SLC7A10: variants seen among roughly 807,000 people sequenced by gnomAD.
The protein encoded by SLC7A10 is solute carrier family 7 member 10.
In SLC7A10, 30 loss-of-function variants were observed where a neutral mutation model predicts 52.7. That is an observed-to-expected ratio of 0.57 (90% confidence interval 0.43 to 0.77). SLC7A10 has a LOEUF of 0.77. Ranked by LOEUF, SLC7A10 falls within the 30% of genes least tolerant of loss-of-function variation. SLC7A10 has a pLI of 0.00. For missense variants in SLC7A10, 581 were observed against 698.5 expected (o/e 0.83, Z 1.90); for synonymous variants, 318 against 314.9 (o/e 1.01, Z -0.10).
Position 33,212,397 on chromosome 19 carries a change from G to A in SLC7A10, c.683C>T (p.Thr228Met), listed in dbSNP as rs375602222. ...CAGGGCCAGGTGTCCCACGGAGGGC[G>A]TCATCCAGAAAGCAAAGGCATTGCT... ...RPSNAFAFWM[T>M]PSVGHLALAF... The change falls in exon 5 of 11, where the codon ACG becomes ATG. Residue 228 changes from threonine to methionine, a missense_variant. Physicochemically the swap from Thr to Met is moderately conservative, Grantham distance 81 (BLOSUM62 -1). Transcript: ENST00000253188. The A allele has an allele frequency of 3.8e-5, 61 of 1,613,782 alleles. No homozygotes were observed. The highest frequency in any genetic ancestry group is 2.4e-4 in the South Asian group (22 of 91,096).
intron 1 of SLC7A10, among the ~76,000 whole-genome samples, chr19:33,222,992 T>C (rs1044903990): frequency 7.2e-5 from 11 of 152,144 alleles, no homozygotes; most frequent in African/African-American, 2.7e-4. Flanking sequence ...TCAATAACAA[T>C]AACAAACCAA....
chr19:33,217,621 C>A (rs893933431), intron 1 of SLC7A10, among the ~76,000 whole-genome samples: 1 of 152,234 alleles, frequency 6.6e-6, no homozygotes, highest in African/African-American at 2.4e-5. Flanking sequence ...CACACCAGAC[C>A]GGGTCCTGAG....
chr19:33,209,833 A>T (rs1014502318), intron 9 of SLC7A10, among the ~76,000 whole-genome samples: 5 of 152,098 alleles, frequency 3.3e-5, no homozygotes, highest in Non-Finnish European at 7.4e-5. Context: ...TTATACACAC[A>T]TGGGGGGCTT....
At position 33,210,666 on chromosome 19, in the gene SLC7A10, G is replaced by A. The variant is rs374062061; in HGVS notation, c.1114-50C>T. On this transcript the variant is annotated intron_variant, in intron 8 of 10. Coordinates refer to ENST00000253188, the MANE Select transcript of SLC7A10 (RefSeq NM_019849.3). The surrounding 1 kb of genome is among the most constrained non-coding windows in gnomAD (Gnocchi z 5.6). ...GCTGGCCCCTAGCCTGCCTCCTGAC[G>A]CCCCTGCAGGATGAGCCCTGGCCCC... 67 of 1,609,506 alleles carry A rather than the reference G, an allele frequency of 4.2e-5. No individual in the cohort carries two copies. The highest frequency in any genetic ancestry group is 5.3e-5 in the Non-Finnish European group (63 of 1,179,616).
chr19:33,212,845 G>A lies in SLC7A10; in HGVS notation c.508+6C>T. ...CTGGGGACAGTGGGCCAAAGGGGAT[G>A]CTTACTCAGGCAGGCCATGGACAGC... On this transcript the variant is annotated splice_donor_region_variant and intron_variant, in intron 3 of 10. Transcript: ENST00000253188. 6.2e-7 allele frequency: 1 copy of A among 1,613,516 alleles called. No homozygotes were observed. Among genetic ancestry groups the A allele is most frequent in the Non-Finnish European group, 8.5e-7 (1 of 1,179,626 alleles).
Position 33,210,658 on chromosome 19 carries a change from C to T in SLC7A10, c.1114-42G>A. On this transcript the variant is annotated intron_variant, in intron 8 of 10. Coordinates refer to ENST00000253188, the MANE Select transcript of SLC7A10 (RefSeq NM_019849.3). The surrounding 1 kb of genome is among the most constrained non-coding windows in gnomAD (Gnocchi z 5.6). ...GGCTGACGGCTGGCCCCTAGCCTGC[C>T]TCCTGACGCCCCTGCAGGATGAGCC... 6.2e-7 allele frequency: 1 copy of T among 1,610,180 alleles called. No individual in the cohort carries two copies. The highest frequency in any genetic ancestry group is 8.5e-7 in the Non-Finnish European group (1 of 1,179,850).
rs765182186 is a variant in SLC7A10 at position 33,212,818 on chromosome 19, A to G, written c.508+33T>C. On this transcript the variant is annotated intron_variant, in intron 3 of 10. Coordinates refer to ENST00000253188, the MANE Select transcript of SLC7A10 (RefSeq NM_019849.3). ...AGGATGGAGCCCGGGCAGGTGGCTG[A>G]TCTGGGGACAGTGGGCCAAAGGGGA... The G allele has an allele frequency of 4.3e-6, 7 of 1,611,292 alleles. No individual in the cohort carries two copies. In the South Asian group the frequency reaches 7.7e-5, roughly 18 times the overall value.
At chr19:33,211,194 C>A in intron 7 of SLC7A10, 31 bp downstream of exon 7, 3 of 1,602,074 alleles carry the variant, frequency 1.9e-6, no homozygotes, top group Non-Finnish European at 2.6e-6. Context: ...AGCCTTCCCT[C>A]CCCATGCCCA....
Position 33,208,951 on chromosome 19 carries a change from C to A in SLC7A10, c.1512G>T (p.Glu504Asp), listed in dbSNP as rs377457235. 1 of 1,613,736 alleles carries A rather than the reference C, an allele frequency of 6.2e-7. No individual in the cohort carries two copies. The highest frequency in any genetic ancestry group is 8.5e-7 in the Non-Finnish European group (1 of 1,179,952). Residue 504 changes from glutamate (E) to aspartate (D), a missense_variant, in exon 11 of 11, where the codon GAG becomes GAT. Glu to Asp is a conservative substitution (Grantham distance 45, BLOSUM62 2). Coordinates refer to ENST00000253188, the MANE Select transcript of SLC7A10 (RefSeq NM_019849.3). This position sits in a 1 kb window ranked among gnomAD's most constrained non-coding sequence, Gnocchi z 4.7. Reference sequence around the variant, plus strand: ...GCAGGGAGGGTGGGCAGGGGCCATTCTCCTCCTCTTCGGGGGCGTCCTGGG... The same window carrying A: ...GCAGGGAGGGTGGGCAGGGGCCATTATCCTCCTCTTCGGGGGCGTCCTGGG... The part of the protein sequence containing the change: ...VYPQDAPEEE[E>D]NGPCPPSLLP...
chr19:33,218,493 A>G (rs1292401106), intron 1 of SLC7A10, among the ~76,000 whole-genome samples: 1 of 151,434 alleles, frequency 6.6e-6, no homozygotes, highest in African/African-American at 2.4e-5. Flanking sequence ...AAATCGCATC[A>G]CGCACTCCGC....
chr19:33,222,135 C>A (rs7248380), intron 1 of SLC7A10, among the ~76,000 whole-genome samples: 2,161 of 152,204 alleles, frequency 0.014, 45 homozygotes, highest in African/African-American at 0.048. Context: ...ATGATGGCTC[C>A]CGCCTGTAAC....
At position 33,210,310 on chromosome 19, in the gene SLC7A10, T is replaced by C. The variant is rs997871199; in HGVS notation, c.1263+157A>G. Among the ~76,000 whole-genome samples, 1 of 152,126 alleles carries C rather than the reference T, an allele frequency of 6.6e-6. No homozygotes were observed. The highest frequency in any genetic ancestry group is 1.5e-5 in the Non-Finnish European group (1 of 68,000). On this transcript the variant is annotated intron_variant, in intron 9 of 10. Transcript: ENST00000253188. This position sits in a 1 kb window ranked among gnomAD's most constrained non-coding sequence, Gnocchi z 5.6. ...AAGCTCTGTCCTCATGGGGCTGCTA[T>C]GAGGAATGGCTGCCTCAGTGCACAG...
At chr19:33,211,709 GCCCCAC>G in intron 5 of SLC7A10, 172 bp from the exon 6 acceptor site, 1 of 1,269,348 alleles carries the variant, frequency 7.9e-7, no homozygotes, top group Non-Finnish European at 1.1e-6. Context: ...TGTCTGCCCT[GCCCCAC>G]CCCCACCTGG....
chr19:33,215,621 TCTC>T, intron 2 of SLC7A10, 145 bp downstream of exon 2: 7 of 287,948 alleles, frequency 2.4e-5, no homozygotes, highest in East Asian at 1.3e-4. Flanking sequence ...CCACACCTTC[TCTC>T]CATCCACCCC....
chr19:33,213,102 C>G, intron 2 of SLC7A10, 100 bp from the exon 3 acceptor site: 4 of 1,507,070 alleles, frequency 2.7e-6, no homozygotes, highest in Non-Finnish European at 3.6e-6. Flanking sequence ...GCCTGGCGCC[C>G]GGGGGCTGGC....
intron 2 of SLC7A10, among the ~76,000 whole-genome samples, chr19:33,213,454 A>G (rs1370963491): frequency 6.6e-6 from 1 of 151,774 alleles, no homozygotes; most frequent in Non-Finnish European, 1.5e-5. Flanking sequence ...ATGCCTGGCA[A>G]ATTTTTTGTA....
chr19:33,209,016 T>G lies in SLC7A10; in HGVS notation c.1447A>C (p.Met483Leu), dbSNP rs772409168. 6.2e-7 allele frequency: 1 copy of G among 1,613,658 alleles called. No individual in the cohort carries two copies. The highest frequency in any genetic ancestry group is 8.5e-7 in the Non-Finnish European group (1 of 1,180,002). Residue 483 changes from methionine to leucine, a missense_variant, in exon 11 of 11, where the codon ATG (methionine) becomes CTG (leucine). Transcript: ENST00000253188. ...PKCVHRLTES[M>L]THWGQELCFV... The stretch of plus-strand genomic sequence containing the variant: ...CACAGCTCCTGGCCCCAGTGTGTCA[T>G]GGACTCTGAGGACAGACAGATGGAC...
chr19:33,209,073 C>A, intron 10 of SLC7A10, 52 bp from the exon 11 acceptor site: 2 of 1,609,580 alleles, frequency 1.2e-6, no homozygotes, highest in African/African-American at 1.3e-5. Context: ...ATAGGGGTGA[C>A]CCCCAGCTCC....
At chr19:33,214,179 C>A (rs1227339800) in intron 2 of SLC7A10, among the ~76,000 whole-genome samples, 1 of 152,196 alleles carries the variant, frequency 6.6e-6, no homozygotes, top group Non-Finnish European at 1.5e-5. Flanking sequence ...TGGGTCCCAG[C>A]CCCTTTGAGG....
Sources: allele counts gnomAD v4.1 joint callset (sites outside exome capture counted in the v4.1 genomes callset), GRCh38; gene constraint gnomAD v4.1.1; non-coding constraint Gnocchi (gnomAD v3.1); transcripts MANE v1.5; gene names NCBI Gene and HGNC (gene_info 2026-07-23, HGNC 2026-07-21).